BOC: variants seen among roughly 807,000 people sequenced by gnomAD.
BOC encodes the protein BOC cell adhesion associated, oncogene regulated.
In BOC, 76 loss-of-function variants were observed where a neutral mutation model predicts 112.0. The ratio of observed to expected loss-of-function variants is 0.68; its 90% CI spans 0.56 to 0.82. BOC has a LOEUF of 0.82. BOC is among the 40% of genes least tolerant of loss of function. The pLI is 0.00. For synonymous variants in BOC, 580 were observed against 599.8 expected (o/e 0.97, Z 0.48); for missense variants, 1,309 against 1,511.7 (o/e 0.87, Z 2.22).
chr3:113,228,800 C>G (rs1002942913), intron 2 of BOC, among the ~76,000 whole-genome samples: 3 of 152,164 alleles, frequency 2.0e-5, no homozygotes, highest in Non-Finnish European at 4.4e-5. Flanking sequence ...TCAAACCCTT[C>G]CCCTCTGATC....
intron 4 of BOC, among the ~76,000 whole-genome samples, chr3:113,253,259 T>C (rs1945850920): frequency 6.6e-6 from 1 of 152,144 alleles, no homozygotes; most frequent in Non-Finnish European, 1.5e-5. Context: ...TTAACTTTTT[T>C]ATTGAGTATA....
intron 2 of BOC, among the ~76,000 whole-genome samples, chr3:113,237,357 T>C (rs1576372124): frequency 6.6e-6 from 1 of 152,186 alleles, no homozygotes. Flanking sequence ...CCTGAACCTG[T>C]CGTCTTTCTC....
chr3:113,212,264 C>T (rs1381537288), intron 1 of BOC: 1 of 151,948 alleles, frequency 6.6e-6, no homozygotes. Flanking sequence ...CAGCGGGGGT[C>T]CCGGGGGCTG....
chr3:113,251,256 C>T (rs1319575277), intron 4 of BOC: 10 of 330,266 alleles, frequency 3.0e-5, no homozygotes, highest in South Asian at 5.6e-5. Context: ...CAGGGAGAGA[C>T]AGGACACCAA....
Position 113,250,742 on chromosome 3 carries a change from C to T in BOC, c.285C>T (p.Ala95=), listed in dbSNP as rs774987739. The T allele has an allele frequency of 3.3e-5, 53 of 1,614,002 alleles. No homozygotes were observed. The highest frequency in any genetic ancestry group is 4.2e-5 in the Non-Finnish European group (50 of 1,180,024). The change falls in exon 4 of 20, where the codon GCC becomes GCT. Residue 95 remains alanine, a synonymous_variant. Transcript: ENST00000682979. The part of the protein sequence containing the change: ...LITHGTLVIT[A]LNNHTVGRYQ... ...CCCACGGGACCCTCGTCATCACTGCCCTTAACAACCACACTGTGGGACGGT... is the reference window on the plus strand; with the variant it reads ...CCCACGGGACCCTCGTCATCACTGCTCTTAACAACCACACTGTGGGACGGT...
chr3:113,248,884 G>A (rs761497056), intron 2 of BOC, among the ~76,000 whole-genome samples: 1 of 152,174 alleles, frequency 6.6e-6, no homozygotes, highest in African/African-American at 2.4e-5. Context: ...TGTTCTGGGT[G>A]GAGATACAAC....
chr3:113,278,577 A>G lies in BOC; in HGVS notation c.1706-96A>G. The G allele has an allele frequency of 9.0e-7, 1 of 1,112,710 alleles. No homozygotes were observed. Among genetic ancestry groups the G allele is most frequent in the Non-Finnish European group, 1.3e-6 (1 of 759,936 alleles). The allele number at this position is 1,112,710 out of a possible 1,614,324, so 68.9% of individuals were successfully genotyped here. A position where few individuals can be genotyped will look rare whatever the true frequency, so the allele number is the denominator to read the frequency against. Reference sequence around the variant, plus strand: ...GGATGCTTATTTGCATCACTTTGTCATGCCGCTTAGCAGAGTCTCAGGCAA... The same window carrying G: ...GGATGCTTATTTGCATCACTTTGTCGTGCCGCTTAGCAGAGTCTCAGGCAA... On this transcript the variant is annotated intron_variant, in intron 10 of 19. Coordinates refer to ENST00000682979, the MANE Select transcript of BOC (RefSeq NM_001378074.1). This position sits in a 1 kb window ranked among gnomAD's most constrained non-coding sequence, Gnocchi z 4.2.
At position 113,272,684 on chromosome 3, in the gene BOC, C is replaced by A; in HGVS notation, c.942C>A (p.Leu314=). ...GVGQPGAAVI[L]YNVQVFEPPE... ...GGCAGCCCGGGGCAGCGGTCATCCT[C>A]TACAATGTCCAGGTGTTTGGTGAGT... The change falls in exon 7 of 20, where the codon CTC becomes CTA. Residue 314 remains leucine, a synonymous_variant. Transcript: ENST00000682979. 1 of 1,613,776 alleles carries A rather than the reference C, an allele frequency of 6.2e-7. No individual in the cohort carries two copies. Among genetic ancestry groups the A allele is most frequent in the Non-Finnish European group, 8.5e-7 (1 of 1,179,934 alleles).
At chr3:113,251,154 C>G (rs1443633146) in intron 4 of BOC, 1 of 563,080 alleles carries the variant, frequency 1.8e-6, no homozygotes, top group Non-Finnish European at 3.1e-6. Context: ...TGCCTTCCTA[C>G]TTGGTCATCC....
rs1447439168 is a variant in BOC, at chr3:113,270,836, A to G, written c.559A>G (p.Ile187Val). 1 of 1,613,920 alleles carries G rather than the reference A, an allele frequency of 6.2e-7. No homozygotes were observed. Reference sequence around the variant, plus strand: ...GATCATGCCCTCAGGGAACCTCCAGATTGTGAATGCCAGCCAGGAGGACGA... The same window carrying G: ...GATCATGCCCTCAGGGAACCTCCAGGTTGTGAATGCCAGCCAGGAGGACGA... ...YLIMPSGNLQ[I>V]VNASQEDEGM... Residue 187 changes from isoleucine to valine, a missense_variant, in exon 6 of 20, where the codon ATT becomes GTT. Physicochemically the swap from Ile to Val is conservative, Grantham distance 29 (BLOSUM62 3). Coordinates refer to ENST00000682979, the MANE Select transcript of BOC (RefSeq NM_001378074.1).
intron 9 of BOC, among the ~76,000 whole-genome samples, chr3:113,276,574 A>G (rs1948695882): frequency 1.3e-5 from 2 of 152,224 alleles, no homozygotes; most frequent in Admixed American, 6.5e-5. Context: ...CCGAGAAAGA[A>G]TTTGAAATCG....
intron 4 of BOC, among the ~76,000 whole-genome samples, chr3:113,264,614 G>T (rs1000972262): frequency 6.6e-6 from 1 of 152,138 alleles, no homozygotes; most frequent in Non-Finnish European, 1.5e-5. Flanking sequence ...CCATCTGATG[G>T]CTGGTTAGGC....
At position 113,264,257 on chromosome 3, in the gene BOC, T is replaced by C. The variant is rs141687012; in HGVS notation, c.377-4042T>C. Among the ~76,000 whole-genome samples the C allele has an allele frequency of 3.1e-4, 47 of 152,232 alleles. No homozygotes were observed. In the East Asian group the frequency reaches 8.1e-3, roughly 26 times the overall value. ...GATTAATGCGGACAAGTTAATGAAG[T>C]AGCTGGAAAATGCACAAAGAGAGGA... On this transcript the variant is annotated intron_variant, in intron 4 of 19. Transcript: ENST00000682979.
chr3:113,228,858 C>T (rs1242601669), intron 2 of BOC, among the ~76,000 whole-genome samples: 3 of 152,208 alleles, frequency 2.0e-5, no homozygotes, highest in Non-Finnish European at 4.4e-5. Flanking sequence ...CTCCAAGGCC[C>T]TGACTTTCAG....
intron 5 of BOC, chr3:113,269,933 A>G (rs1309361993): frequency 6.6e-6 from 1 of 152,314 alleles, no homozygotes; most frequent in Non-Finnish European, 1.5e-5. Flanking sequence ...TGATGGCCAT[A>G]GCTTTACCTG....
intron 13 of BOC, 61 bp from the exon 14 acceptor site, chr3:113,280,497 T>C (rs1028168840): frequency 4.1e-6 from 5 of 1,221,776 alleles, no homozygotes; most frequent in African/African-American, 1.5e-5. Flanking sequence ...ACACCAGTGG[T>C]TTTGCTTTGA....
chr3:113,268,189 C>T, intron 4 of BOC, 110 bp from the exon 5 acceptor site: 1 of 1,496,684 alleles, frequency 6.7e-7, no homozygotes, highest in East Asian at 2.4e-5. Flanking sequence ...CTGATATCCC[C>T]CTAGGTGTGA....
intron 4 of BOC, among the ~76,000 whole-genome samples, chr3:113,257,083 C>G (rs955520998): frequency 1.1e-4 from 17 of 152,196 alleles, no homozygotes; most frequent in Non-Finnish European, 2.2e-4. Flanking sequence ...CCCTACTGTC[C>G]ACCTGAAATA....
Position 113,284,348 on chromosome 3 carries a change from C to A in BOC, c.2670C>A (p.Asp890Glu), listed in dbSNP as rs1404471708. The change falls in exon 17 of 20, where the codon GAC becomes GAA. Residue 890 changes from aspartate (D) to glutamate (E), a missense_variant. Physicochemically the swap from Asp to Glu is conservative, Grantham distance 45. Coordinates refer to ENST00000682979, the MANE Select transcript of BOC (RefSeq NM_001378074.1). ...RAWSKQKHTT[D>E]LGFPRSALPP... ...CTGTCCTTCCAGAACATACAACAGA[C>A]CTGGGTTTTCCTCGAAGTGCCCTTC... 4 of 1,614,092 alleles carry A rather than the reference C, an allele frequency of 2.5e-6. No individual in the cohort carries two copies. In the South Asian group the frequency reaches 4.4e-5, roughly 18 times the overall value.
Sources: allele counts gnomAD v4.1 joint callset (sites outside exome capture counted in the v4.1 genomes callset), GRCh38; gene constraint gnomAD v4.1.1; non-coding constraint Gnocchi (gnomAD v3.1); transcripts MANE v1.5; gene names NCBI Gene and HGNC (gene_info 2026-07-23, HGNC 2026-07-21).